The following LRRTM4 variants were observed in gnomAD, a reference collection of about 807,000 sequenced individuals.
The protein encoded by LRRTM4 is leucine-rich repeat transmembrane neuronal protein 4.
A neutral mutation model predicts 47.6 loss-of-function variants in LRRTM4; 25 were observed. That is an observed-to-expected ratio of 0.53 (90% confidence interval 0.38 to 0.73). LRRTM4 has a LOEUF of 0.73. LRRTM4 is among the 30% of genes least tolerant of loss of function. The probability of loss-of-function intolerance (pLI) is 0.00; values close to 1 mark genes in which losing one functional copy is unlikely to be tolerated. For missense variants in LRRTM4, 638 were observed against 713.4 expected, an observed-to-expected ratio of 0.89 and a Z score of 1.20; for synonymous variants, 311 against 269.5, an observed-to-expected ratio of 1.15 and a Z score of -1.51.
At chr2:76,808,396 A>G (rs1274779505) in intron 3 of LRRTM4, among the ~76,000 whole-genome samples, 1 of 151,878 alleles carries the variant, frequency 6.6e-6, no homozygotes, top group Non-Finnish European at 1.5e-5. Context: ...CTTTTTCACA[A>G]TAAAAATATT....
chr2:76,792,102 T>G (rs943434088), intron 3 of LRRTM4, among the ~76,000 whole-genome samples: 5 of 151,748 alleles, frequency 3.3e-5, no homozygotes, highest in African/African-American at 1.2e-4. Context: ...TAAATGCCCA[T>G]AGTTAGAGAA....
At chr2:77,279,274 A>T (rs1457820077) in intron 3 of LRRTM4, among the ~76,000 whole-genome samples, 3 of 152,066 alleles carry the variant, frequency 2.0e-5, no homozygotes, top group Non-Finnish European at 4.4e-5. Context: ...GACAGAAAAA[A>T]TAAATCTACT....
intron 3 of LRRTM4, among the ~76,000 whole-genome samples, chr2:77,299,944 C>G (rs1039608394): frequency 6.6e-6 from 1 of 150,976 alleles, no homozygotes; most frequent in Non-Finnish European, 1.5e-5. Context: ...CTCCGCCTCC[C>G]AGGTTCAAAC....
intron 3 of LRRTM4, among the ~76,000 whole-genome samples, chr2:77,034,402 C>G (rs1031235767): frequency 6.6e-6 from 1 of 151,844 alleles, no homozygotes; most frequent in African/African-American, 2.4e-5. Flanking sequence ...CTACGTTTTT[C>G]TAGTTTTAAT....
At chr2:77,443,365 A>G (rs972913944) in intron 3 of LRRTM4, among the ~76,000 whole-genome samples, 1 of 152,168 alleles carries the variant, frequency 6.6e-6, no homozygotes, top group Non-Finnish European at 1.5e-5. Context: ...TAGTTTTTCC[A>G]GCAAAAAGCA....
intron 3 of LRRTM4, among the ~76,000 whole-genome samples, chr2:77,082,137 CCTTTT>C (rs1393005638): frequency 1.2e-4 from 18 of 152,076 alleles, no homozygotes; most frequent in African/African-American, 3.9e-4. Context: ...CTCTTGAAGA[CCTTTT>C]CTTAACTACT....
intron 3 of LRRTM4, among the ~76,000 whole-genome samples, chr2:77,280,748 A>G (rs1329782182): frequency 6.6e-6 from 1 of 152,048 alleles, no homozygotes; most frequent in African/African-American, 2.4e-5. Flanking sequence ...TGGAGCATAC[A>G]TGTAAAGCAT....
intron 3 of LRRTM4, among the ~76,000 whole-genome samples, chr2:77,394,176 C>T (rs546494847): frequency 9.7e-4 from 146 of 151,150 alleles, no homozygotes; most frequent in Non-Finnish European, 1.7e-3. Context: ...TAAACAGCTG[C>T]TGAAAAAAAG....
At chr2:77,280,497 T>G (rs2104098196) in intron 3 of LRRTM4, among the ~76,000 whole-genome samples, 1 of 152,200 alleles carries the variant, frequency 6.6e-6, no homozygotes, top group African/African-American at 2.4e-5. Flanking sequence ...CAGATACAGC[T>G]TATGGCACAA....
intron 3 of LRRTM4, among the ~76,000 whole-genome samples, chr2:77,182,079 C>T (rs1323071730): frequency 6.6e-6 from 1 of 152,020 alleles, no homozygotes; most frequent in African/African-American, 2.4e-5. Flanking sequence ...GGGTATATAC[C>T]CAAAGGATTA....
chr2:77,433,526 T>C (rs1351047017), intron 3 of LRRTM4, among the ~76,000 whole-genome samples: 2 of 152,190 alleles, frequency 1.3e-5, no homozygotes, highest in African/African-American at 4.8e-5. Flanking sequence ...TCAAACACTA[T>C]GCCTATAAAG....
At chr2:76,773,724 A>C (rs539122680) in intron 3 of LRRTM4, among the ~76,000 whole-genome samples, 3 of 152,002 alleles carry the variant, frequency 2.0e-5, no homozygotes, top group Admixed American at 2.0e-4. Flanking sequence ...TTAATAAAAT[A>C]TATAAAATCA....
chr2:76,977,438 C>A (rs925562701), intron 3 of LRRTM4, among the ~76,000 whole-genome samples: 2 of 151,788 alleles, frequency 1.3e-5, no homozygotes, highest in Non-Finnish European at 2.9e-5. Context: ...TTATTGTAAG[C>A]TAACTCTGAA....
intron 3 of LRRTM4, among the ~76,000 whole-genome samples, chr2:77,223,321 C>G (rs1674699132): frequency 6.6e-6 from 1 of 152,146 alleles, no homozygotes; most frequent in African/African-American, 2.4e-5. Flanking sequence ...GCCTCTCTCA[C>G]CACTCCTATT....
chr2:77,467,539 A>G (rs1292512937), intron 3 of LRRTM4, among the ~76,000 whole-genome samples: 2 of 152,240 alleles, frequency 1.3e-5, no homozygotes, highest in Non-Finnish European at 2.9e-5. Flanking sequence ...ACATGTGTAC[A>G]TGTAACCTTG....
chr2:76,944,369 C>G (rs1008579953), intron 3 of LRRTM4, among the ~76,000 whole-genome samples: 1 of 151,924 alleles, frequency 6.6e-6, no homozygotes, highest in Non-Finnish European at 1.5e-5. Context: ...ATCCCAGCAC[C>G]AAAAAACACA....
intron 3 of LRRTM4, among the ~76,000 whole-genome samples, chr2:77,137,926 T>A (rs908976208): frequency 6.6e-6 from 1 of 152,096 alleles, no homozygotes. Flanking sequence ...AAGAGCTAAC[T>A]ATCCTAAATA....
chr2:76,899,358 T>G (rs1673541980), intron 3 of LRRTM4, among the ~76,000 whole-genome samples: 1 of 146,918 alleles, frequency 6.8e-6, no homozygotes, highest in African/African-American at 2.5e-5. Flanking sequence ...CACACATATA[T>G]ATATATAAAC....
chr2:77,310,756 T>C (rs1415604974), intron 3 of LRRTM4, among the ~76,000 whole-genome samples: 1 of 152,170 alleles, frequency 6.6e-6, no homozygotes, highest in African/African-American at 2.4e-5. Context: ...AAGCAATGTG[T>C]CAATACCTGT....
Sources: gnomAD v4.1 joint callset for allele counts (sites outside exome capture counted in the v4.1 genomes callset) on GRCh38, gnomAD v4.1.1 for gene constraint, MANE v1.5 for transcripts, NCBI Gene and HGNC (gene_info 2026-07-23, HGNC 2026-07-21) for gene names.